PLVAP: variants seen among roughly 807,000 people sequenced by gnomAD.
PLVAP encodes plasmalemma vesicle associated protein.
A neutral mutation model predicts 43.1 loss-of-function variants in PLVAP; 34 were observed. That is an observed-to-expected ratio of 0.79 (90% CI 0.60 to 1.05). The LOEUF is 1.05. PLVAP is among the 50% of genes least tolerant of loss of function. The pLI, the probability that PLVAP is intolerant of heterozygous loss-of-function variation, is 0.00. For synonymous variants in PLVAP, 241 were observed against 237.3 expected (o/e 1.02, Z -0.14); for missense variants, 574 against 593.4 (o/e 0.97, Z 0.34).
chr19:17,374,887 C>T (rs560221390), intron 1 of PLVAP, among the ~76,000 whole-genome samples: 3 of 150,664 alleles, frequency 2.0e-5, no homozygotes, highest in African/African-American at 4.9e-5. Flanking sequence ...AGTGAGATCT[C>T]GGCTCACTGC....
intron 3 of PLVAP, among the ~76,000 whole-genome samples, chr19:17,361,167 C>T (rs577096058): frequency 4.7e-4 from 72 of 152,174 alleles, no homozygotes; most frequent in South Asian, 8.3e-4. Context: ...CTGCCTGCCT[C>T]GGCCTCCCAA....
chr19:17,373,130 A>AGGT (rs35794385), intron 1 of PLVAP, among the ~76,000 whole-genome samples: 26,332 of 142,076 alleles, frequency 0.19, 3,010 homozygotes, highest in South Asian at 0.3. Context: ...TTCAGGTCTG[A>AGGT]GAGGGGAGGC....
Position 17,360,849 on chromosome 19 carries a change from G to A in PLVAP, c.1180-17C>T. The A allele has an allele frequency of 6.2e-7, 1 of 1,611,174 alleles. No individual in the cohort carries two copies. Among genetic ancestry groups the A allele is most frequent in the Non-Finnish European group, 8.5e-7 (1 of 1,177,296 alleles). On this transcript the variant is annotated splice_polypyrimidine_tract_variant and intron_variant, in intron 3 of 5. Coordinates refer to ENST00000252590, the MANE Select transcript of PLVAP (RefSeq NM_031310.3). ...CGGCTGCGACTGTGAAAGAAAGATG[G>A]AGGGAGGTTGGTAGGAGCCAGGGCT... is the stretch of plus-strand genomic sequence containing the variant.
At chr19:17,355,067 CA>C (rs1217827735) in intron 5 of PLVAP, among the ~76,000 whole-genome samples, 7 of 146,672 alleles carry the variant, frequency 4.8e-5, no homozygotes, top group South Asian at 2.2e-4. Context: ...ACTAAAAATA[CA>C]AAAAAAATCA....
At chr19:17,363,218 C>T (rs2074534989) in intron 3 of PLVAP, among the ~76,000 whole-genome samples, 1 of 152,056 alleles carries the variant, frequency 6.6e-6, no homozygotes, top group African/African-American at 2.4e-5. Flanking sequence ...GCTAGAGTTG[C>T]AGTGGTGCGA....
chr19:17,365,171 C>A, intron 3 of PLVAP, 115 bp downstream of exon 3: 3 of 900,534 alleles, frequency 3.3e-6, no homozygotes, highest in Non-Finnish European at 5.0e-6. Flanking sequence ...TGTAACTCAC[C>A]CAACCTAGAC....
chr19:17,374,600 T>C (rs2074587243), intron 1 of PLVAP, among the ~76,000 whole-genome samples: 1 of 152,044 alleles, frequency 6.6e-6, no homozygotes, highest in Non-Finnish European at 1.5e-5. Context: ...AACAAAACAC[T>C]GTGAACTTTT....
chr19:17,367,687 C>A (rs1938426529), intron 1 of PLVAP, among the ~76,000 whole-genome samples: 1 of 152,060 alleles, frequency 6.6e-6, no homozygotes, highest in Non-Finnish European at 1.5e-5. Flanking sequence ...CCATGCCCAG[C>A]CTTAAATTTG....
In PLVAP at chr19:17,377,318, CCCTGCTCACCACCAGG is replaced by C. The variant is rs1485155011; in HGVS notation, c.-46_-31del. The C allele has an allele frequency of 9.0e-6, 14 of 1,560,866 alleles. No homozygotes were observed. Among genetic ancestry groups the C allele is most frequent in the Non-Finnish European group, 1.1e-5 (13 of 1,139,870 alleles). On this transcript the variant is annotated 5_prime_UTR_variant, in exon 1 of 6. Coordinates refer to ENST00000252590, the MANE Select transcript of PLVAP (RefSeq NM_031310.3). ...TCGATCCCGCCGTCCGGTGCACCGTCCCTGCTCACCACCAGGCCTGCTCTGGCCCCCGCCTCGCAGG... is the reference window on the plus strand; with the variant it reads ...TCGATCCCGCCGTCCGGTGCACCGTCCCTGCTCTGGCCCCCGCCTCGCAGG...
In PLVAP at chr19:17,362,946, C is replaced by T. The variant is rs111834621; in HGVS notation, c.1180-2114G>A. On this transcript the variant is annotated intron_variant, in intron 3 of 5. Transcript: ENST00000252590. The stretch of plus-strand genomic sequence containing the variant: ...CACTCCCAACACTAAACCAACTCCC[C>T]GGTTCCTCAACACAACTCAAATACA... Among the ~76,000 whole-genome samples, 120 of 152,238 alleles carry T rather than the reference C, an allele frequency of 7.9e-4. 1 individual carries two copies. The highest frequency in any genetic ancestry group is 2.4e-3 in the African/African-American group (99 of 41,534).
rs759726274 is a variant in PLVAP at position 17,365,513 on chromosome 19, T to C, written c.952A>G (p.Ser318Gly). 38 of 1,612,166 alleles carry C rather than the reference T, an allele frequency of 2.4e-5. No individual in the cohort carries two copies. The highest frequency in any genetic ancestry group is 2.9e-5 in the Non-Finnish European group (34 of 1,180,030). Residue 318 changes from serine to glycine, a missense_variant, in exon 3 of 6, where the codon AGT becomes GGT. Physicochemically the swap from Ser to Gly is moderately conservative, Grantham distance 56. Transcript: ENST00000252590. ...KLEAQQGLRA[S>G]QEAKQKVEKE... ...TCCACCTTCTGTTTCGCCTCCTGAC[T>C]GGCCCGCAGGCCCTGCTGGGCTTCC...
chr19:17,363,226 C>T (rs575414261), intron 3 of PLVAP, among the ~76,000 whole-genome samples: 13 of 152,096 alleles, frequency 8.5e-5, no homozygotes, highest in Admixed American at 2.0e-4. Context: ...TGCAGTGGTG[C>T]GATCTGGGCT....
chr19:17,372,153 G>A (rs546444137), intron 1 of PLVAP, among the ~76,000 whole-genome samples: 21 of 150,310 alleles, frequency 1.4e-4, no homozygotes, highest in African/African-American at 4.1e-4. Context: ...TTTTTATAGA[G>A]AAGAGGTGTC....
intron 1 of PLVAP, among the ~76,000 whole-genome samples, chr19:17,367,895 TG>T (rs1384688174): frequency 2.0e-5 from 3 of 151,828 alleles, no homozygotes; most frequent in African/African-American, 7.3e-5. Context: ...AGGGTTTTTT[TG>T]TTTTTGTTTT....
At chr19:17,373,066 A>AC (rs1491284551) in intron 1 of PLVAP, among the ~76,000 whole-genome samples, 1 of 16,944 alleles carries the variant, frequency 5.9e-5, no homozygotes, top group Non-Finnish European at 1.2e-4. Context: ...ACTCTGTCTC[A>AC]AAAAAAAAAA....
intron 1 of PLVAP, among the ~76,000 whole-genome samples, chr19:17,366,449 T>C (rs552494578): frequency 1.4e-4 from 22 of 152,164 alleles, no homozygotes; most frequent in Non-Finnish European, 3.1e-4. Flanking sequence ...GAGACTCCCA[T>C]CTCAATAAAA....
At chr19:17,376,421 T>C (rs2074595442) in intron 1 of PLVAP, among the ~76,000 whole-genome samples, 1 of 150,892 alleles carries the variant, frequency 6.6e-6, no homozygotes, top group Non-Finnish European at 1.5e-5. Context: ...GTCCAGGAGA[T>C]TGAGGTTGCA....
rs2074548122 is a variant in PLVAP at position 17,365,929 on chromosome 19, C to T, written c.536G>A (p.Cys179Tyr). Residue 179 changes from cysteine (C) to tyrosine (Y), a missense_variant, in exon 3 of 6, where the codon TGC becomes TAC. Coordinates refer to ENST00000252590, the MANE Select transcript of PLVAP (RefSeq NM_031310.3). ...CAGCACGCTTTCCTTATCCTTAGTG[C>T]AAATGGTCTTCTCCTTGGCTATCTC... The part of the protein sequence containing the change: ...EVEIAKEKTI[C>Y]TKDKESVLLN... 1 of 1,614,072 alleles carries T rather than the reference C, an allele frequency of 6.2e-7. No individual in the cohort carries two copies. The highest frequency in any genetic ancestry group is 8.5e-7 in the Non-Finnish European group (1 of 1,180,030).
Position 17,376,894 on chromosome 19 carries a change from G to A in PLVAP, c.369+26C>T, listed in dbSNP as rs761179007. 22 of 1,594,774 alleles carry A rather than the reference G, an allele frequency of 1.4e-5. No homozygotes were observed. In the South Asian group the frequency reaches 2.2e-4, roughly 16 times the overall value. On this transcript the variant is annotated intron_variant, in intron 1 of 5. Transcript: ENST00000252590. ...GAGGGGGCTTGCTCAGGGTCCCCAG[G>A]GCGAGTGTCCTGCCCACAGCCTTAC...
Sources: allele counts gnomAD v4.1 joint callset (sites outside exome capture counted in the v4.1 genomes callset), GRCh38; gene constraint gnomAD v4.1.1; transcripts MANE v1.5; gene names NCBI Gene and HGNC (gene_info 2026-07-23, HGNC 2026-07-21).